The following RSPO2 variants were observed in gnomAD, a reference collection of about 807,000 sequenced individuals.
RSPO2 encodes the protein R-spondin 2, also known as R-spondin-2.
A neutral mutation model predicts 30.9 loss-of-function variants in RSPO2; 14 were observed. The observed-to-expected ratio is 0.45, with a 90% CI of 0.30 to 0.71. The LOEUF (loss-of-function observed/expected upper bound fraction) is 0.71, where lower values mean the gene tolerates loss of function less well. Ranked by LOEUF, RSPO2 falls within the 30% of genes least tolerant of loss-of-function variation. The pLI is 0.08. For synonymous variants in RSPO2, 107 were observed against 96.4 expected (o/e 1.11, Z -0.64); for missense variants, 264 against 301.9 (o/e 0.87, Z 0.93).
intron 4 of RSPO2, among the ~76,000 whole-genome samples, chr8:107,958,682 T>C (rs904453793): frequency 1.3e-5 from 2 of 152,162 alleles, no homozygotes; most frequent in African/African-American, 4.8e-5. Flanking sequence ...TTCTTCCTGA[T>C]GCTCTCCCTC....
chr8:108,071,669 C>T (rs919247132), intron 2 of RSPO2, among the ~76,000 whole-genome samples: 3 of 152,222 alleles, frequency 2.0e-5, no homozygotes, highest in African/African-American at 7.2e-5. Context: ...TTCTCCCCCA[C>T]TTCCTCATAT....
chr8:107,902,846 C>T (rs532196171), intron 5 of RSPO2, among the ~76,000 whole-genome samples: 75 of 152,054 alleles, frequency 4.9e-4, no homozygotes, highest in African/African-American at 1.8e-3. Context: ...TGATCATGCC[C>T]CCATATTAAA....
At chr8:108,003,269 GTGTGTGTGTATATA>G (rs1347372272) in intron 2 of RSPO2, among the ~76,000 whole-genome samples, 58 of 87,014 alleles carry the variant, frequency 6.7e-4, no homozygotes, top group South Asian at 1.9e-3. Context: ...GTGTGTGTGT[GTGTGTGTGTATATA>G]TATATATATA....
intron 2 of RSPO2, among the ~76,000 whole-genome samples, chr8:108,068,015 G>A (rs1014985209): frequency 5.3e-5 from 8 of 152,112 alleles, no homozygotes; most frequent in Admixed American, 1.3e-4. Flanking sequence ...GTTGCAGTGA[G>A]CTGAGACCAC....
At chr8:108,032,225 A>G (rs1211635730) in intron 2 of RSPO2, among the ~76,000 whole-genome samples, 2 of 152,208 alleles carry the variant, frequency 1.3e-5, no homozygotes, top group Admixed American at 6.5e-5. Context: ...GAAGTTTCAG[A>G]AAAAACATCT....
intron 5 of RSPO2, among the ~76,000 whole-genome samples, chr8:107,908,665 A>G (rs1168097427): frequency 6.6e-6 from 1 of 152,174 alleles, no homozygotes; most frequent in Non-Finnish European, 1.5e-5. Context: ...CTTTCTAACC[A>G]TAGGTAGTCT....
intron 5 of RSPO2, among the ~76,000 whole-genome samples, chr8:107,936,959 G>A (rs1812739700): frequency 6.6e-6 from 1 of 152,042 alleles, no homozygotes; most frequent in Non-Finnish European, 1.5e-5. Context: ...TCACTTTGTT[G>A]TTTCCTTGGC....
chr8:107,988,910 G>A (rs1325978545), intron 3 of RSPO2, 146 bp downstream of exon 3: 2 of 719,536 alleles, frequency 2.8e-6, no homozygotes, highest in African/African-American at 1.9e-5. Flanking sequence ...TTACAGGCAT[G>A]ACCCACCACA....
intron 2 of RSPO2, among the ~76,000 whole-genome samples, chr8:108,045,487 A>G (rs527451237): frequency 6.6e-6 from 1 of 152,182 alleles, no homozygotes; most frequent in Non-Finnish European, 1.5e-5. Context: ...TAGTCCATGT[A>G]TTAGACACTT....
At chr8:107,959,476 T>C (rs1235059527) in intron 4 of RSPO2, among the ~76,000 whole-genome samples, 2 of 152,184 alleles carry the variant, frequency 1.3e-5, no homozygotes, top group Non-Finnish European at 2.9e-5. Context: ...TTCATGCTAG[T>C]GGATGAGGGC....
chr8:108,053,810 C>A (rs1009838505), intron 2 of RSPO2, among the ~76,000 whole-genome samples: 15 of 152,058 alleles, frequency 9.9e-5, no homozygotes, highest in African/African-American at 3.4e-4. Flanking sequence ...ACATTACTGG[C>A]TAAGAAACGT....
At chr8:107,982,416 A>T (rs1046315142) in intron 3 of RSPO2, among the ~76,000 whole-genome samples, 18 of 152,168 alleles carry the variant, frequency 1.2e-4, no homozygotes, top group Admixed American at 3.3e-4. Context: ...TCCAAGGCTA[A>T]TTTTCCCACC....
intron 5 of RSPO2, among the ~76,000 whole-genome samples, chr8:107,924,154 G>T (rs1812277827): frequency 6.6e-6 from 1 of 151,670 alleles, no homozygotes; most frequent in East Asian, 1.9e-4. Context: ...TATAAAAACT[G>T]AGGTTACTAC....
chr8:107,941,281 A>G (rs1812887952), intron 5 of RSPO2, among the ~76,000 whole-genome samples: 1 of 152,134 alleles, frequency 6.6e-6, no homozygotes, highest in African/African-American at 2.4e-5. Context: ...CTTCATTTAG[A>G]AATTATCTCT....
chr8:108,001,108 C>T (rs1249715125), intron 2 of RSPO2, among the ~76,000 whole-genome samples: 2 of 152,152 alleles, frequency 1.3e-5, no homozygotes, highest in African/African-American at 4.8e-5. Context: ...AGGAGAATGG[C>T]GTGAACCCAG....
intron 5 of RSPO2, among the ~76,000 whole-genome samples, chr8:107,932,103 G>A (rs917504785): frequency 1.3e-5 from 2 of 152,266 alleles, no homozygotes; most frequent in Non-Finnish European, 2.9e-5. Context: ...ATACCCAGAA[G>A]AAGTTAAAGA....
chr8:107,942,624 CCT>C (rs1812935810), intron 5 of RSPO2, among the ~76,000 whole-genome samples: 1 of 151,958 alleles, frequency 6.6e-6, no homozygotes, highest in Non-Finnish European at 1.5e-5. Context: ...CATGTTTGCC[CCT>C]CTTAGGAAAA....
At chr8:108,076,235 G>T (rs571948548) in intron 2 of RSPO2, among the ~76,000 whole-genome samples, 1 of 152,318 alleles carries the variant, frequency 6.6e-6, no homozygotes, top group East Asian at 1.9e-4. Flanking sequence ...GTGGTAGAAG[G>T]TTGAAAGCAG....
chr8:108,075,084 CTTTCT>C (rs1285208099), intron 2 of RSPO2, among the ~76,000 whole-genome samples: 10 of 152,198 alleles, frequency 6.6e-5, no homozygotes, highest in East Asian at 5.8e-4. Context: ...GCAAATACCA[CTTTCT>C]TTTATTTTAT....
Sources: gnomAD v4.1 joint callset for allele counts (sites outside exome capture counted in the v4.1 genomes callset) on GRCh38, gnomAD v4.1.1 for gene constraint, MANE v1.5 for transcripts, NCBI Gene and HGNC (gene_info 2026-07-23, HGNC 2026-07-21) for gene names.